The following ARHGEF3 variants were observed in gnomAD, a reference collection of about 807,000 sequenced individuals.
ARHGEF3 encodes the protein 59.8 kDA protein.
ARHGEF3 carries 28 observed loss-of-function variants against 63.2 expected under a neutral mutation model. The observed-to-expected ratio is 0.44, with a 90% CI of 0.33 to 0.61. ARHGEF3 has a LOEUF of 0.61. Among genes scored for constraint, ARHGEF3 ranks in the 20% least tolerant of loss-of-function variants. ARHGEF3 has a pLI of 0.03. For synonymous variants in ARHGEF3, 266 were observed against 254.2 expected (o/e 1.05, Z -0.44); for missense variants, 533 against 659.3 (o/e 0.81, Z 2.10).
intron 2 of ARHGEF3, among the ~76,000 whole-genome samples, chr3:57,026,000 A>G (rs1455760464): frequency 6.6e-6 from 1 of 152,160 alleles, no homozygotes; most frequent in African/African-American, 2.4e-5. Flanking sequence ...AAAATTCTCA[A>G]GACTCCCCCC....
intron 4 of ARHGEF3, among the ~76,000 whole-genome samples, chr3:56,862,049 T>C (rs986518302): frequency 9.2e-5 from 14 of 152,078 alleles, no homozygotes; most frequent in African/African-American, 3.1e-4. Flanking sequence ...GGCAAAAACA[T>C]AGATGCTAAT....
intron 4 of ARHGEF3, among the ~76,000 whole-genome samples, chr3:56,835,931 AT>A (rs1312654967): frequency 6.6e-6 from 1 of 152,234 alleles, no homozygotes; most frequent in Admixed American, 6.5e-5. Context: ...GAGTCAAGAA[AT>A]GACTTAAGTC....
intron 1 of ARHGEF3, among the ~76,000 whole-genome samples, chr3:57,066,044 A>C (rs1425695460): frequency 9.2e-5 from 13 of 141,264 alleles, no homozygotes; most frequent in Non-Finnish European, 1.5e-4. Context: ...CCAAAACAAA[A>C]AAAAAAAACC....
intron 4 of ARHGEF3, among the ~76,000 whole-genome samples, chr3:56,865,064 T>A (rs2040197441): frequency 6.6e-6 from 1 of 152,172 alleles, no homozygotes; most frequent in South Asian, 2.1e-4. Flanking sequence ...CCATCCCTAT[T>A]TCCAGACACA....
intron 3 of ARHGEF3, among the ~76,000 whole-genome samples, chr3:56,901,605 A>G (rs2041512195): frequency 7.1e-6 from 1 of 141,152 alleles, no homozygotes; most frequent in South Asian, 2.2e-4. Flanking sequence ...TTTTTTTGAG[A>G]CAGGGTCTTA....
intron 4 of ARHGEF3, among the ~76,000 whole-genome samples, chr3:56,857,729 A>G (rs1482350157): frequency 1.3e-5 from 2 of 152,078 alleles, no homozygotes; most frequent in Non-Finnish European, 2.9e-5. Context: ...TTTTCTCTAA[A>G]AAGTTTCTTT....
intron 2 of ARHGEF3, among the ~76,000 whole-genome samples, chr3:56,966,182 G>A (rs1700487320): frequency 6.6e-6 from 1 of 152,178 alleles, no homozygotes; most frequent in East Asian, 1.9e-4. Context: ...TTACCTCCAG[G>A]GAGAGAGGGA....
chr3:57,058,867 T>C (rs1199026110), intron 1 of ARHGEF3, among the ~76,000 whole-genome samples: 3 of 151,588 alleles, frequency 2.0e-5, no homozygotes, highest in Admixed American at 2.0e-4. Context: ...CTGGAAACTA[T>C]CATTCTCAGC....
At chr3:56,730,480 C>T (rs537094975) in intron 9 of ARHGEF3, among the ~76,000 whole-genome samples, 1 of 150,982 alleles carries the variant, frequency 6.6e-6, no homozygotes, top group African/African-American at 2.4e-5. Context: ...TGGGTTCAAG[C>T]AATTCTCCTG....
At chr3:56,921,262 T>C (rs1269284206) in intron 3 of ARHGEF3, among the ~76,000 whole-genome samples, 2 of 151,162 alleles carry the variant, frequency 1.3e-5, no homozygotes, top group East Asian at 3.9e-4. Context: ...AATGGGATGG[T>C]AGCCGTGACC....
Position 56,801,859 on chromosome 3 carries a change from C to T in ARHGEF3, c.-61G>A, listed in dbSNP as rs1469123888. On this transcript the variant is annotated 5_prime_UTR_variant, in exon 1 of 10. Transcript: ENST00000296315. ...CTGACCCTAGGCGACTACAAAACTC[C>T]CAGGCAAAAGGGGGCCCCAGCTCCA... 1 of 1,551,376 alleles carries T rather than the reference C, an allele frequency of 6.4e-7. No individual in the cohort carries two copies. Among genetic ancestry groups the T allele is most frequent in the Non-Finnish European group, 8.7e-7 (1 of 1,146,950 alleles).
intron 1 of ARHGEF3, among the ~76,000 whole-genome samples, chr3:57,056,031 A>G (rs1388344547): frequency 6.6e-6 from 1 of 152,042 alleles, no homozygotes; most frequent in Non-Finnish European, 1.5e-5. Flanking sequence ...GAGGCCACAG[A>G]ATATGAGCAG....
intron 1 of ARHGEF3, among the ~76,000 whole-genome samples, chr3:56,782,082 C>T (rs2036591040): frequency 6.6e-6 from 1 of 152,152 alleles, no homozygotes; most frequent in Non-Finnish European, 1.5e-5. Flanking sequence ...TTGCAAATGA[C>T]TCTTCATCTT....
intron 1 of ARHGEF3, among the ~76,000 whole-genome samples, chr3:56,784,036 G>C (rs921649609): frequency 5.9e-5 from 9 of 152,156 alleles, no homozygotes; most frequent in African/African-American, 2.2e-4. Context: ...AGCCCCCACT[G>C]CCTGAAACTC....
At chr3:56,813,723 T>TA (rs990390011) in intron 4 of ARHGEF3, among the ~76,000 whole-genome samples, 13 of 152,210 alleles carry the variant, frequency 8.5e-5, no homozygotes, top group East Asian at 1.9e-4. Flanking sequence ...CCCACCCATT[T>TA]AAAAAAAACC....
chr3:56,992,591 G>A (rs1285453673), intron 2 of ARHGEF3, among the ~76,000 whole-genome samples: 2 of 151,906 alleles, frequency 1.3e-5, no homozygotes, highest in African/African-American at 2.4e-5. Context: ...GTCATCAGGG[G>A]ATGAGCCAGG....
intron 4 of ARHGEF3, chr3:56,882,220 A>AT: frequency 6.9e-7 from 1 of 1,439,720 alleles, no homozygotes; most frequent in Non-Finnish European, 9.5e-7. Context: ...CACACAGCAT[A>AT]TTATTAACAA....
At chr3:56,800,241 G>T (rs538493116) in intron 1 of ARHGEF3, among the ~76,000 whole-genome samples, 1 of 152,100 alleles carries the variant, frequency 6.6e-6, no homozygotes, top group Non-Finnish European at 1.5e-5. Flanking sequence ...TAATTTATTG[G>T]TTATGCCTTT....
intron 2 of ARHGEF3, among the ~76,000 whole-genome samples, chr3:57,002,551 T>TA (rs1560123313): frequency 9.6e-6 from 1 of 104,490 alleles, no homozygotes; most frequent in Non-Finnish European, 1.9e-5. Flanking sequence ...ATATGTTATG[T>TA]TATATATATG....
Sources: gnomAD v4.1 joint callset for allele counts (sites outside exome capture counted in the v4.1 genomes callset) on GRCh38, gnomAD v4.1.1 for gene constraint, MANE v1.5 for transcripts, NCBI Gene and HGNC (gene_info 2026-07-23, HGNC 2026-07-21) for gene names.